NBPF3: variants seen among roughly 807,000 people sequenced by gnomAD.
NBPF3 encodes NBPF member 3.
NBPF3 carries 57 observed loss-of-function variants against 78.1 expected under a neutral mutation model. The observed-to-expected ratio is 0.73, with a 90% CI of 0.59 to 0.91. NBPF3 has a LOEUF of 0.91. Ranked by LOEUF, NBPF3 falls within the 40% of genes least tolerant of loss-of-function variation. NBPF3 has a pLI of 0.00. For missense variants in NBPF3, 510 were observed against 715.3 expected (o/e 0.71, Z 3.27); for synonymous variants, 182 against 271.7 (o/e 0.67, Z 3.25).
intron 2 of NBPF3, among the ~76,000 whole-genome samples, chr1:21,450,625 A>G (rs1195962871): frequency 1.1e-4 from 17 of 152,164 alleles, no homozygotes; most frequent in Admixed American, 1.1e-3. Flanking sequence ...AAATGCATTC[A>G]CCGTCTCCCC....
At chr1:21,473,733 A>G in intron 7 of NBPF3, 148 bp downstream of exon 7, 2 of 732,434 alleles carry the variant, frequency 2.7e-6, no homozygotes, top group Admixed American at 2.5e-5. Flanking sequence ...TGTCCTTCTC[A>G]GCTCATGTCA....
rs1642607161 is a variant in NBPF3 at position 21,471,726 on chromosome 1, G to T, written c.604G>T (p.Glu202Ter). The T allele has an allele frequency of 6.2e-7, 1 of 1,613,408 alleles. No homozygotes were observed. Among genetic ancestry groups the T allele is most frequent in the South Asian group, 1.1e-5 (1 of 91,040 alleles). ...CAACTCCCAGGGACGGGACCTCCGA[G>T]AACAGCTGGCTGAGGGATGTAGGCT... The part of the protein sequence containing the change: ...PDNSQGRDLR[E>*]QLAEGCRLAQ... The change falls in exon 5 of 15, where the codon GAA becomes TAA. Residue 202 changes from glutamate (E) to a stop codon, truncating the protein, a stop_gained. Transcript: ENST00000318249. LOFTEE classifies it high-confidence loss of function.
At chr1:21,468,584 C>T (rs1193582571) in intron 2 of NBPF3, 104 bp from the exon 3 acceptor site, 3 of 1,594,208 alleles carry the variant, frequency 1.9e-6, no homozygotes, top group South Asian at 1.1e-5. Context: ...TTTTTCTCAA[C>T]AGTAAGTTAA....
chr1:21,473,570 G>T lies in NBPF3; in HGVS notation c.925G>T (p.Val309Leu), dbSNP rs1642728253. ...SSSHDEWLDA[V>L]CIIPENESDH... Reference sequence around the variant, plus strand: ...CTCTCATGATGAATGGTTGGATGCTGTATGCATTATCCCAGGTAGCCTCTA... The same window carrying T: ...CTCTCATGATGAATGGTTGGATGCTTTATGCATTATCCCAGGTAGCCTCTA... The change falls in exon 7 of 15, where the codon GTA (valine) becomes TTA (leucine). Residue 309 changes from valine to leucine, a missense_variant. Val to Leu is a conservative substitution (Grantham distance 32). Coordinates refer to ENST00000318249, the MANE Select transcript of NBPF3 (RefSeq NM_032264.6). The T allele has an allele frequency of 1.2e-6, 2 of 1,613,910 alleles. No homozygotes were observed. The highest frequency in any genetic ancestry group is 1.3e-5 in the African/African-American group (1 of 75,046).
At position 21,444,978 on chromosome 1, in the gene NBPF3, A is replaced by G. The variant is rs550284367; in HGVS notation, c.-109A>G. On this transcript the variant is annotated 5_prime_UTR_variant, in exon 2 of 15. Transcript: ENST00000318249. Reference sequence around the variant, plus strand: ...CTGAAGGCAAATCCTGTTTAGACCCAGGCGAAGGTTCCTGGTGACCCAGGC... The same window carrying G: ...CTGAAGGCAAATCCTGTTTAGACCCGGGCGAAGGTTCCTGGTGACCCAGGC... The G allele has an allele frequency of 4.3e-5, 54 of 1,245,800 alleles. No individual in the cohort carries two copies. In the African/African-American group the frequency reaches 8.2e-4, roughly 19 times the overall value. The allele number at this position is 1,245,800 out of a possible 1,614,324, so 77.2% of individuals were successfully genotyped here.
chr1:21,437,435 T>C (rs901246860), upstream of NBPF3: 1 of 1,351,800 alleles, frequency 7.4e-7, no homozygotes, highest in African/African-American at 1.5e-5. Context: ...GGAACAGATG[T>C]AGCGCCTGCG....
chr1:21,462,911 T>C (rs1157486953), intron 2 of NBPF3, among the ~76,000 whole-genome samples: 5 of 152,250 alleles, frequency 3.3e-5, no homozygotes, highest in Admixed American at 1.3e-4. Context: ...GCAGTGGACA[T>C]GAGCCATAAT....
intron 5 of NBPF3, among the ~76,000 whole-genome samples, 200 bp downstream of exon 5, chr1:21,471,983 C>G: frequency 6.6e-6 from 1 of 152,162 alleles, no homozygotes; most frequent in East Asian, 1.9e-4. Flanking sequence ...CACAGTATTT[C>G]AAATGTCCCT....
chr1:21,476,179 A>G lies in NBPF3; in HGVS notation c.992+1228A>G, dbSNP rs1006879700. On this transcript the variant is annotated intron_variant, in intron 8 of 14. Coordinates refer to ENST00000318249, the MANE Select transcript of NBPF3 (RefSeq NM_032264.6). The surrounding 1 kb of genome is among the most constrained non-coding windows in gnomAD (Gnocchi z 4.1). ...GCCTATGTGTGTCTCTGCACGTGAGATGGGTCTCCTGCGTACAGCACACTG... is the reference window on the plus strand; with the variant it reads ...GCCTATGTGTGTCTCTGCACGTGAGGTGGGTCTCCTGCGTACAGCACACTG... Among the ~76,000 whole-genome samples the G allele has an allele frequency of 6.6e-6, 1 of 151,956 alleles. No homozygotes were observed. The highest frequency in any genetic ancestry group is 2.4e-5 in the African/African-American group (1 of 41,342).
intron 1 of NBPF3, among the ~76,000 whole-genome samples, chr1:21,441,257 T>C (rs184746949): frequency 6.6e-6 from 1 of 152,328 alleles, no homozygotes; most frequent in African/African-American, 2.4e-5. Context: ...TTAGTAGCTT[T>C]CTTTTTGTTT....
upstream of NBPF3, chr1:21,437,435 TA>T: frequency 7.4e-7 from 1 of 1,351,920 alleles, no homozygotes; most frequent in Non-Finnish European, 1.0e-6. Flanking sequence ...GGAACAGATG[TA>T]GCGCCTGCGG....
At chr1:21,451,781 G>T in intron 2 of NBPF3, 1 of 254,936 alleles carries the variant, frequency 3.9e-6, no homozygotes, top group Non-Finnish European at 7.0e-6. Flanking sequence ...TTGTAGATAA[G>T]GATGGTCAAA....
In NBPF3 at chr1:21,444,987, T is replaced by G. The variant is rs1640879417; in HGVS notation, c.-100T>G. 7.4e-7 allele frequency: 1 copy of G among 1,359,382 alleles called. No individual in the cohort carries two copies. Among genetic ancestry groups the G allele is most frequent in the African/African-American group, 1.5e-5 (1 of 68,414 alleles). 84.2% of individuals were successfully genotyped at this position (1,359,382 alleles called of 1,614,324 possible). A position where few individuals can be genotyped will look rare whatever the true frequency, so the allele number is the denominator to read the frequency against. On this transcript the variant is annotated 5_prime_UTR_variant, in exon 2 of 15. Transcript: ENST00000318249. Reference sequence around the variant, plus strand: ...AATCCTGTTTAGACCCAGGCGAAGGTTCCTGGTGACCCAGGCTCTCACCAG... The same window carrying G: ...AATCCTGTTTAGACCCAGGCGAAGGGTCCTGGTGACCCAGGCTCTCACCAG...
chr1:21,470,739 G>A lies in NBPF3; in HGVS notation c.446+5G>A. On this transcript the variant is annotated splice_donor_5th_base_variant and intron_variant, in intron 4 of 14. Coordinates refer to ENST00000318249, the MANE Select transcript of NBPF3 (RefSeq NM_032264.6). The stretch of plus-strand genomic sequence containing the variant: ...CGGGCAAGCTGAGGAGCTCAGGTGA[G>A]TGGGCCCCCTGGGGTCAGGCAGGTG... 6.3e-7 allele frequency: 1 copy of A among 1,592,858 alleles called. No individual in the cohort carries two copies. Among genetic ancestry groups the A allele is most frequent in the Non-Finnish European group, 8.6e-7 (1 of 1,165,648 alleles).
Position 21,483,297 on chromosome 1 carries a change from T to C in NBPF3, c.1813T>C (p.Leu605=), listed in dbSNP as rs1397938125. Reference sequence around the variant, plus strand: ...CTCATTTGAGGAACAGGACGTCAGCTTGGCCCTTGACGTGGACAATAGGTT... The same window carrying C: ...CTCATTTGAGGAACAGGACGTCAGCCTGGCCCTTGACGTGGACAATAGGTT... The part of the protein sequence containing the change: ...FYSFEEQDVS[L]ALDVDNRFFT... The change falls in exon 15 of 15, where the codon TTG becomes CTG. Residue 605 remains leucine (L), a synonymous_variant. Transcript: ENST00000318249. The C allele has an allele frequency of 1.5e-6, 2 of 1,349,506 alleles. No homozygotes were observed. The highest frequency in any genetic ancestry group is 2.4e-4 in the Middle Eastern group (1 of 4,188). 83.6% of individuals were successfully genotyped at this position (1,349,506 alleles called of 1,614,324 possible). A position where few individuals can be genotyped will look rare whatever the true frequency, so the allele number is the denominator to read the frequency against.
intron 10 of NBPF3, 103 bp from the exon 11 acceptor site, chr1:21,479,948 T>C: frequency 1.3e-6 from 1 of 770,158 alleles, no homozygotes; most frequent in Non-Finnish European, 2.4e-6. Flanking sequence ...AGATCTGTCC[T>C]TTTTCTTTTC....
Position 21,445,014 on chromosome 1 carries a change from CA to C in NBPF3, c.-71del. 1 of 1,517,500 alleles carries C rather than the reference CA, an allele frequency of 6.6e-7. No individual in the cohort carries two copies. Among genetic ancestry groups the C allele is most frequent in the Non-Finnish European group, 8.9e-7 (1 of 1,125,724 alleles). The allele number at this position is 1,517,500 out of a possible 1,614,324, so 94.0% of individuals were successfully genotyped here. A position where few individuals can be genotyped will look rare whatever the true frequency, so the allele number is the denominator to read the frequency against. ...CCTGGTGACCCAGGCTCTCACCAGC[CA>C]ATTGTCCCTTGCCGTCCTCCTGAGG... On this transcript the variant is annotated 5_prime_UTR_variant, in exon 2 of 15. Coordinates refer to ENST00000318249, the MANE Select transcript of NBPF3 (RefSeq NM_032264.6).
chr1:21,473,318 C>G, intron 6 of NBPF3, 62 bp from the exon 7 acceptor site: 1 of 1,568,578 alleles, frequency 6.4e-7, no homozygotes, highest in South Asian at 1.1e-5. Context: ...AGCTAGCACT[C>G]CCTGGTGTCC....
At chr1:21,471,853 C>T (rs1642616581) in intron 5 of NBPF3, 70 bp downstream of exon 5, 3 of 1,573,088 alleles carry the variant, frequency 1.9e-6, no homozygotes, top group African/African-American at 1.4e-5. Flanking sequence ...TCCATACTTT[C>T]ACAATGACAT....
Sources: gnomAD v4.1 joint callset for allele counts (sites outside exome capture counted in the v4.1 genomes callset) on GRCh38, gnomAD v4.1.1 for gene constraint, Gnocchi (gnomAD v3.1) non-coding constraint, MANE v1.5 for transcripts, NCBI Gene and HGNC (gene_info 2026-07-23, HGNC 2026-07-21) for gene names.